PRKCA: variants seen among roughly 807,000 people sequenced by gnomAD.
The protein encoded by PRKCA is protein kinase C alpha type.
A neutral mutation model predicts 87.0 loss-of-function variants in PRKCA; 27 were observed. That is an observed-to-expected ratio of 0.31 (90% confidence interval 0.23 to 0.43). The LOEUF is 0.43. PRKCA is among the 20% of genes least tolerant of loss of function. PRKCA has a pLI of 1.00. For missense variants in PRKCA, 518 were observed against 852.3 expected (o/e 0.61, Z 4.88); for synonymous variants, 329 against 311.1 (o/e 1.06, Z -0.61).
At chr17:66,368,358 G>GTGTATATATATA (rs1908864169) in intron 2 of PRKCA, among the ~76,000 whole-genome samples, 2 of 42,572 alleles carry the variant, frequency 4.7e-5, no homozygotes, top group African/African-American at 1.9e-4. Flanking sequence ...GTGTGTGTGT[G>GTGTATATATATA]TATATGTATA....
intron 14 of PRKCA, among the ~76,000 whole-genome samples, chr17:66,781,415 C>T (rs910986493): frequency 2.6e-5 from 4 of 152,160 alleles, no homozygotes; most frequent in African/African-American, 9.7e-5. Flanking sequence ...CCGAATGCAA[C>T]CAGCAGAGGC....
chr17:66,307,393 C>T (rs571877343), intron 2 of PRKCA, among the ~76,000 whole-genome samples: 59 of 152,234 alleles, frequency 3.9e-4, no homozygotes, highest in Non-Finnish European at 7.5e-4. Context: ...TGAGCCTAGG[C>T]TTGAACATGA....
intron 13 of PRKCA, among the ~76,000 whole-genome samples, chr17:66,757,873 C>T (rs1253796064): frequency 2.6e-5 from 4 of 152,130 alleles, no homozygotes; most frequent in Admixed American, 2.0e-4. Context: ...TACAGGTGCC[C>T]ACCACCATGC....
At chr17:66,681,475 T>C (rs903984839) in intron 5 of PRKCA, among the ~76,000 whole-genome samples, 4 of 152,170 alleles carry the variant, frequency 2.6e-5, no homozygotes, top group African/African-American at 7.2e-5. Context: ...ACGGCGAAGA[T>C]GATAAAGATA....
intron 2 of PRKCA, among the ~76,000 whole-genome samples, chr17:66,368,867 A>G (rs979955094): frequency 6.6e-6 from 1 of 152,208 alleles, no homozygotes; most frequent in East Asian, 1.9e-4. Flanking sequence ...GGTTAGCTAG[A>G]GGCCTGAGTC....
intron 2 of PRKCA, among the ~76,000 whole-genome samples, chr17:66,418,670 C>A (rs1912311219): frequency 6.6e-6 from 1 of 152,090 alleles, no homozygotes; most frequent in Admixed American, 6.5e-5. Context: ...CTCCTGACCT[C>A]AAGTGATCTT....
chr17:66,534,957 C>T (rs1046890977), intron 3 of PRKCA, among the ~76,000 whole-genome samples: 1 of 152,126 alleles, frequency 6.6e-6, no homozygotes, highest in Admixed American at 6.5e-5. Context: ...TGCTTTGTTA[C>T]AATTATTTAC....
chr17:66,749,820 G>A (rs2144260225), intron 13 of PRKCA, among the ~76,000 whole-genome samples: 1 of 152,238 alleles, frequency 6.6e-6, no homozygotes, highest in South Asian at 2.1e-4. Context: ...TTGGAAGGGT[G>A]ACTTCCAAGG....
At chr17:66,613,592 T>C (rs1970431220) in intron 3 of PRKCA, among the ~76,000 whole-genome samples, 1 of 152,098 alleles carries the variant, frequency 6.6e-6, no homozygotes, top group Admixed American at 6.6e-5. Flanking sequence ...TCCTTGCCTC[T>C]TCCTGGCTTC....
intron 2 of PRKCA, among the ~76,000 whole-genome samples, chr17:66,312,355 T>C (rs4577128): frequency 0.59 from 90,442 of 152,070 alleles, 27,049 homozygotes; most frequent in African/African-American, 0.65. Context: ...ATGATACTAT[T>C]GAAATTTAAG....
chr17:66,336,448 G>T (rs1236710647), intron 2 of PRKCA, among the ~76,000 whole-genome samples: 1 of 152,074 alleles, frequency 6.6e-6, no homozygotes, highest in Non-Finnish European at 1.5e-5. Context: ...TCCTTCCAGG[G>T]GATGAAATGG....
chr17:66,338,479 G>A (rs980220737), intron 2 of PRKCA, among the ~76,000 whole-genome samples: 3 of 152,076 alleles, frequency 2.0e-5, no homozygotes, highest in African/African-American at 4.8e-5. Context: ...TGTTAGGGCT[G>A]TACCTTTTCA....
chr17:66,605,881 C>G (rs1448927600), intron 3 of PRKCA, among the ~76,000 whole-genome samples: 1 of 152,160 alleles, frequency 6.6e-6, no homozygotes, highest in Non-Finnish European at 1.5e-5. Context: ...ATAAGCAAAT[C>G]TGTATAGACA....
chr17:66,704,825 G>C (rs376211923), intron 8 of PRKCA, among the ~76,000 whole-genome samples: 2 of 152,314 alleles, frequency 1.3e-5, no homozygotes, highest in South Asian at 4.1e-4. Context: ...ATGAGACTCT[G>C]TTGCTAGGTT....
intron 3 of PRKCA, among the ~76,000 whole-genome samples, chr17:66,566,550 A>G (rs1037078841): frequency 3.5e-5 from 5 of 143,758 alleles, no homozygotes; most frequent in African/African-American, 7.7e-5. Flanking sequence ...GCCCTCCTGA[A>G]TGTTGTATTT....
At chr17:66,498,395 T>G (rs1159174514) in intron 3 of PRKCA, among the ~76,000 whole-genome samples, 1 of 152,138 alleles carries the variant, frequency 6.6e-6, no homozygotes, top group Non-Finnish European at 1.5e-5. Flanking sequence ...TCTCCTCCCA[T>G]TTCTGCCCCA....
intron 2 of PRKCA, among the ~76,000 whole-genome samples, chr17:66,313,492 T>TTTAGAATA (rs1369676201): frequency 1.3e-5 from 2 of 152,236 alleles, no homozygotes; most frequent in African/African-American, 4.8e-5. Context: ...TCTTTCTATC[T>TTTAGAATA]TTAGAATATT....
chr17:66,475,066 C>T lies in PRKCA; in HGVS notation c.206-21135C>T, dbSNP rs185028748. ...TTAATCCTTCTGGCAAATATCAGGT[C>T]TTCAGGTATTTGCAGACAGCTAAGT... On this transcript the variant is annotated intron_variant, in intron 2 of 16. Coordinates refer to ENST00000413366, the MANE Select transcript of PRKCA (RefSeq NM_002737.3). Among the ~76,000 whole-genome samples, 447 of 152,306 alleles carry T rather than the reference C, an allele frequency of 2.9e-3. 3 individuals are homozygous for T. The highest frequency in any genetic ancestry group is 0.01 in the African/African-American group (417 of 41,554).
At chr17:66,795,996 G>A (rs1326361196) in intron 16 of PRKCA, among the ~76,000 whole-genome samples, 1 of 152,216 alleles carries the variant, frequency 6.6e-6, no homozygotes, top group African/African-American at 2.4e-5. Flanking sequence ...CCCTTTCTGA[G>A]ATAATGCTGC....
Sources: gnomAD v4.1 joint callset for allele counts (sites outside exome capture counted in the v4.1 genomes callset) on GRCh38, gnomAD v4.1.1 for gene constraint, MANE v1.5 for transcripts, NCBI Gene and HGNC (gene_info 2026-07-23, HGNC 2026-07-21) for gene names.